The following NEK10 variants were observed in gnomAD, a reference collection of about 807,000 sequenced individuals.
NEK10 encodes serine/threonine-protein kinase Nek10.
NEK10 carries 122 observed loss-of-function variants against 159.8 expected under a neutral mutation model. That is an observed-to-expected ratio of 0.76 (90% confidence interval 0.66 to 0.89). The LOEUF (loss-of-function observed/expected upper bound fraction) is 0.89, where lower values mean the gene tolerates loss of function less well. Ranked by LOEUF, NEK10 falls within the 40% of genes least tolerant of loss-of-function variation. The pLI, the probability that NEK10 is intolerant of heterozygous loss-of-function variation, is 0.00. For synonymous variants in NEK10, 466 were observed against 457.1 expected, an observed-to-expected ratio of 1.02 and a Z score of -0.25; for missense variants, 1,342 against 1,323.1, an observed-to-expected ratio of 1.01 and a Z score of -0.22.
intron 5 of NEK10, among the ~76,000 whole-genome samples, chr3:27,339,765 C>T (rs1235795432): frequency 8.3e-6 from 1 of 120,304 alleles, no homozygotes; most frequent in Non-Finnish European, 1.6e-5. Context: ...GGCCACAGGG[C>T]GAGACTCCAT....
chr3:27,215,943 G>A, intron 23 of NEK10: 8 of 590,896 alleles, frequency 1.4e-5, no homozygotes, highest in Middle Eastern at 4.4e-4. Context: ...GGAGAAATTC[G>A]CCCCCATAAT....
chr3:27,211,687 C>T lies in NEK10; in HGVS notation c.2091-9130G>A, dbSNP rs1269136019. Among the ~76,000 whole-genome samples the T allele has an allele frequency of 3.3e-5, 5 of 152,136 alleles. No individual in the cohort carries two copies. The East Asian group carries it at 5.8e-4, about 18-fold the overall frequency. On this transcript the variant is annotated intron_variant, in intron 23 of 35. Coordinates refer to ENST00000691995, the MANE Select transcript of NEK10 (RefSeq NM_001394966.1). ...GAAACCCATATCTGGCATGTTTACT[C>T]GTTCATCTCCAAGCAATACTATGTG...
chr3:27,159,049 A>AAAG (rs1342461663), intron 30 of NEK10, among the ~76,000 whole-genome samples: 21 of 152,150 alleles, frequency 1.4e-4, no homozygotes, highest in African/African-American at 4.6e-4. Context: ...ATCTATTTTT[A>AAAG]AAGAACTGGG....
intron 30 of NEK10, among the ~76,000 whole-genome samples, chr3:27,158,836 T>G (rs963057573): frequency 6.6e-6 from 1 of 152,242 alleles, no homozygotes; most frequent in Admixed American, 6.5e-5. Context: ...CATTATAGTA[T>G]GTACTTGAAA....
chr3:27,144,116 CCTT>C (rs1180890806), intron 30 of NEK10, among the ~76,000 whole-genome samples: 1 of 152,168 alleles, frequency 6.6e-6, no homozygotes, highest in Non-Finnish European at 1.5e-5. Context: ...ACTCTTCCTC[CCTT>C]CTTTCCTCCC....
chr3:27,285,370 CA>C (rs1246479609), intron 20 of NEK10, among the ~76,000 whole-genome samples: 2 of 152,122 alleles, frequency 1.3e-5, no homozygotes, highest in Non-Finnish European at 2.9e-5. Context: ...TCAAGTCAGA[CA>C]TTCAGAAAAT....
At chr3:27,215,850 A>G in intron 23 of NEK10, 1 of 717,392 alleles carries the variant, frequency 1.4e-6, no homozygotes, top group Non-Finnish European at 2.6e-6. Context: ...CCAGAGCAGG[A>G]GCAGGAGAGC....
intron 30 of NEK10, chr3:27,162,352 C>G: frequency 1.3e-6 from 2 of 1,490,516 alleles, no homozygotes; most frequent in Non-Finnish European, 1.8e-6. Flanking sequence ...ATTCTCCGCT[C>G]TTTGTATTAA....
At chr3:27,132,188 T>G (rs1192204642) in intron 31 of NEK10, among the ~76,000 whole-genome samples, 198 bp from the exon 32 acceptor site, 2 of 152,256 alleles carry the variant, frequency 1.3e-5, no homozygotes, top group African/African-American at 4.8e-5. Flanking sequence ...TATTTTGCTC[T>G]TTTTCAAATG....
In NEK10 at chr3:27,222,091, G is replaced by A. The variant is rs372691459; in HGVS notation, c.2091-19534C>T. 5.9e-5 allele frequency among the ~76,000 whole-genome samples: 9 copies of A among 152,314 alleles called. No individual in the cohort carries two copies. In the South Asian group the frequency reaches 1.2e-3, roughly 21 times the overall value. On this transcript the variant is annotated intron_variant, in intron 23 of 35. Transcript: ENST00000691995. ...ATTATTTCTTCAAAAAACTTTTCCT[G>A]GCCAGGCGCAGCGGCAAATGCCTGT...
chr3:27,169,184 C>T (rs1432093019), intron 29 of NEK10, among the ~76,000 whole-genome samples: 1 of 152,110 alleles, frequency 6.6e-6, no homozygotes, highest in Non-Finnish European at 1.5e-5. Flanking sequence ...ATTGGGAGTA[C>T]ATCATATATC....
chr3:27,232,839 T>C (rs1953455293), intron 23 of NEK10, among the ~76,000 whole-genome samples: 1 of 152,108 alleles, frequency 6.6e-6, no homozygotes, highest in Non-Finnish European at 1.5e-5. Flanking sequence ...TAAACGGTTC[T>C]GAGATAACTG....
intron 25 of NEK10, among the ~76,000 whole-genome samples, chr3:27,192,995 T>C (rs1401153458): frequency 2.0e-5 from 3 of 152,190 alleles, no homozygotes; most frequent in Non-Finnish European, 4.4e-5. Flanking sequence ...GCAAGTTACA[T>C]AGCTTCTAAG....
At chr3:27,209,401 T>C (rs1367714275) in intron 23 of NEK10, among the ~76,000 whole-genome samples, 1 of 152,202 alleles carries the variant, frequency 6.6e-6, no homozygotes, top group African/African-American at 2.4e-5. Flanking sequence ...CAAAGCAGGA[T>C]GTTTATATTG....
chr3:27,244,375 C>G (rs1314676512), intron 23 of NEK10, among the ~76,000 whole-genome samples: 1 of 152,184 alleles, frequency 6.6e-6, no homozygotes, highest in Admixed American at 6.5e-5. Flanking sequence ...GGGCCAAGCC[C>G]TGAAGTTTCT....
At chr3:27,278,747 G>T in intron 22 of NEK10, 14 of 984,956 alleles carry the variant, frequency 1.4e-5, no homozygotes, top group African/African-American at 1.7e-5. Context: ...TTAAAATAAG[G>T]GTTTTTGAAA....
intron 3 of NEK10, 117 bp from the exon 4 acceptor site, chr3:27,346,333 T>A: frequency 9.6e-7 from 1 of 1,037,016 alleles, no homozygotes; most frequent in Non-Finnish European, 1.4e-6. Context: ...ATAATTAAGA[T>A]AACAACCCTT....
chr3:27,161,041 A>C (rs887767486), intron 30 of NEK10, among the ~76,000 whole-genome samples: 3 of 152,238 alleles, frequency 2.0e-5, no homozygotes, highest in Non-Finnish European at 4.4e-5. Context: ...CCATAATGTA[A>C]ATAGTTTGTT....
intron 23 of NEK10, among the ~76,000 whole-genome samples, chr3:27,227,044 T>A (rs919106795): frequency 1.3e-5 from 2 of 152,230 alleles, no homozygotes; most frequent in Non-Finnish European, 2.9e-5. Flanking sequence ...TTAAGTGCTT[T>A]CATTCATTTA....
Sources: allele counts gnomAD v4.1 joint callset (sites outside exome capture counted in the v4.1 genomes callset), GRCh38; gene constraint gnomAD v4.1.1; transcripts MANE v1.5; gene names NCBI Gene and HGNC (gene_info 2026-07-23, HGNC 2026-07-21).